GPLD1: variants seen among roughly 807,000 people sequenced by gnomAD.
GPLD1 encodes the protein glycosylphosphatidylinositol specific phospholipase D1.
A neutral mutation model predicts 112.6 loss-of-function variants in GPLD1; 84 were observed. That is an observed-to-expected ratio of 0.75 (90% CI 0.63 to 0.89). The LOEUF (loss-of-function observed/expected upper bound fraction) is 0.89, where lower values mean the gene tolerates loss of function less well. Among genes scored for constraint, GPLD1 ranks in the 40% least tolerant of loss-of-function variants. GPLD1 has a pLI of 0.00. For missense variants in GPLD1, 1,044 were observed against 1,051.5 expected, an observed-to-expected ratio of 0.99 and a Z score of 0.10; for synonymous variants, 386 against 403.8, an observed-to-expected ratio of 0.96 and a Z score of 0.53.
At chr6:24,429,841 C>A (rs1247351269) in intron 24 of GPLD1, among the ~76,000 whole-genome samples, 1 of 152,176 alleles carries the variant, frequency 6.6e-6, no homozygotes, top group Non-Finnish European at 1.5e-5. Context: ...AGCCACCATG[C>A]CTGGTCTTTA....
intron 10 of GPLD1, among the ~76,000 whole-genome samples, 162 bp from the exon 11 acceptor site, chr6:24,462,957 G>A (rs1763485876): frequency 6.6e-6 from 1 of 152,164 alleles, no homozygotes; most frequent in African/African-American, 2.4e-5. Context: ...CAGAGAGGGT[G>A]GGTAGGCTGA....
At chr6:24,466,546 T>C (rs1763623213) in intron 10 of GPLD1, 134 bp downstream of exon 10, 1 of 661,006 alleles carries the variant, frequency 1.5e-6, no homozygotes, top group South Asian at 2.2e-5. Context: ...CCTCTTTGAA[T>C]AGGTTAGAAA....
intron 7 of GPLD1, among the ~76,000 whole-genome samples, chr6:24,469,971 A>T (rs1450614572): frequency 1.3e-5 from 2 of 152,182 alleles, no homozygotes; most frequent in Non-Finnish European, 2.9e-5. Context: ...ATATTTTTTT[A>T]AATGAATCAC....
intron 1 of GPLD1, among the ~76,000 whole-genome samples, chr6:24,487,601 T>C (rs1764420840): frequency 6.6e-6 from 1 of 152,212 alleles, no homozygotes; most frequent in African/African-American, 2.4e-5. Context: ...CTCTGTAGTT[T>C]TGGCAATTTC....
rs1250796905 is a variant in GPLD1 at position 24,426,666 on chromosome 6, TGA to T, written c.*2364_*2365del. ...TCCGTCTAATGAAAAGACCCAGTAC[TGA>T]GAAAAACATCCCTTTACTCAAGTGT... On this transcript the variant is annotated 3_prime_UTR_variant, in exon 25 of 25. Coordinates refer to ENST00000230036, the MANE Select transcript of GPLD1 (RefSeq NM_001503.4). 8.8e-5 allele frequency among the ~76,000 whole-genome samples: 13 copies of T among 148,196 alleles called. No homozygotes were observed. The highest frequency in any genetic ancestry group is 4.5e-4 in the South Asian group (2 of 4,486).
chr6:24,435,836 A>AAAAAAAAAAAAAT (rs1427422814), intron 22 of GPLD1: 4 of 146,624 alleles, frequency 2.7e-5, no homozygotes, highest in Admixed American at 6.7e-5. Flanking sequence ...AAAAAAAAAA[A>AAAAAAAAAAAAAT]AAAAAAAAAA....
At chr6:24,484,927 A>C (rs1326437365) in intron 2 of GPLD1, among the ~76,000 whole-genome samples, 1 of 152,248 alleles carries the variant, frequency 6.6e-6, no homozygotes, top group Non-Finnish European at 1.5e-5. Flanking sequence ...CTGATGTCAG[A>C]AGGGAATGCT....
Position 24,439,565 on chromosome 6 carries a change from T to C in GPLD1, c.2021-2276A>G, listed in dbSNP as rs889531909. ...TTTCATCAAAGTGTTTTTTTAATTC[T>C]TCAGAATTAAAACAGAAGAATCTAG... On this transcript the variant is annotated intron_variant, in intron 20 of 24. Transcript: ENST00000230036. Among the ~76,000 whole-genome samples the C allele has an allele frequency of 4.6e-5, 7 of 152,336 alleles. No homozygotes were observed. The South Asian group carries it at 1.5e-3, about 32-fold the overall frequency.
intron 10 of GPLD1, 67 bp downstream of exon 10, chr6:24,466,613 A>C: frequency 7.6e-7 from 1 of 1,307,476 alleles, no homozygotes; most frequent in Non-Finnish European, 1.1e-6. Context: ...AAAACCTGAG[A>C]GTTATGTTGG....
chr6:24,472,862 G>A (rs925217576), intron 6 of GPLD1, among the ~76,000 whole-genome samples: 2 of 150,660 alleles, frequency 1.3e-5, no homozygotes, highest in Non-Finnish European at 2.9e-5. Context: ...TGAAACCTCC[G>A]CCTCCTGGGT....
chr6:24,429,673 G>A (rs1028266172), intron 24 of GPLD1, among the ~76,000 whole-genome samples: 3 of 152,098 alleles, frequency 2.0e-5, no homozygotes, highest in East Asian at 1.9e-4. Context: ...TCAGCCTCCC[G>A]AGTAGCGGAG....
intron 14 of GPLD1, among the ~76,000 whole-genome samples, 177 bp downstream of exon 14, chr6:24,453,834 TAGAA>T (rs1199675827): frequency 1.3e-5 from 2 of 152,128 alleles, no homozygotes; most frequent in Non-Finnish European, 2.9e-5. Flanking sequence ...AGACTAATGA[TAGAA>T]TAAAATAAAT....
rs531480325 is a variant in GPLD1 at position 24,442,909 on chromosome 6, G to A, written c.2020+2637C>T. Among the ~76,000 whole-genome samples, 42 of 151,872 alleles carry A rather than the reference G, an allele frequency of 2.8e-4. No individual in the cohort carries two copies. The South Asian group carries it at 8.3e-3, about 30-fold the overall frequency. ...TATTTTATATTGGACTTTATCATAG[G>A]AAAAAAAATTATCAAGAGAGTAAGG... On this transcript the variant is annotated intron_variant, in intron 20 of 24. Coordinates refer to ENST00000230036, the MANE Select transcript of GPLD1 (RefSeq NM_001503.4).
rs759936572 is a variant in GPLD1, at chr6:24,437,202, G to C, written c.2108C>G (p.Pro703Arg). ...RMYALTSDAQ[P>R]LLLSTFSGDR... is the part of the protein sequence containing the mutation. ...TCCGCTGAAGGTGCTGAGCAGCAGA[G>C]GCTGCGCGTCAGATGTGAGTGCGTA... The change falls in exon 21 of 25, where the codon CCT (proline) becomes CGT (arginine). Residue 703 changes from proline to arginine, a missense_variant. Pro to Arg is a moderately radical substitution (Grantham distance 103, BLOSUM62 -2). Coordinates refer to ENST00000230036, the MANE Select transcript of GPLD1 (RefSeq NM_001503.4). 4.3e-6 allele frequency: 7 copies of C among 1,613,874 alleles called. No individual in the cohort carries two copies. In the East Asian group the frequency reaches 1.1e-4, roughly 26 times the overall value.
At chr6:24,451,030 T>G (rs1763063133) in intron 14 of GPLD1, among the ~76,000 whole-genome samples, 2 of 152,234 alleles carry the variant, frequency 1.3e-5, no homozygotes, top group Admixed American at 1.3e-4. Context: ...GTTTTTCAGT[T>G]GCAATAGCCA....
intron 15 of GPLD1, among the ~76,000 whole-genome samples, chr6:24,449,258 G>A (rs796891929): frequency 1.3e-5 from 2 of 152,138 alleles, no homozygotes; most frequent in African/African-American, 4.8e-5. Context: ...TCTGCAGAGG[G>A]CAGCTGGCAA....
chr6:24,447,461 A>T (rs1762945769), intron 17 of GPLD1, among the ~76,000 whole-genome samples: 1 of 152,106 alleles, frequency 6.6e-6, no homozygotes, highest in Non-Finnish European at 1.5e-5. Context: ...GGTTGTAGTG[A>T]GCCAAGATTA....
Position 24,427,627 on chromosome 6 carries a change from C to T in GPLD1, c.*1405G>A, listed in dbSNP as rs149248680. 5.9e-3 allele frequency among the ~76,000 whole-genome samples: 899 copies of T among 152,170 alleles called. 13 individuals are homozygous for T. The highest frequency in any genetic ancestry group is 0.019 in the African/African-American group (797 of 41,496). On this transcript the variant is annotated 3_prime_UTR_variant, in exon 25 of 25. Coordinates refer to ENST00000230036, the MANE Select transcript of GPLD1 (RefSeq NM_001503.4). ...TTGGGAGGTCAAGGTGGGTGGATCA[C>T]CTGAGATCAGGAGTTCGAGACCAGC...
At chr6:24,443,665 T>C (rs1442125534) in intron 20 of GPLD1, among the ~76,000 whole-genome samples, 1 of 151,354 alleles carries the variant, frequency 6.6e-6, no homozygotes. Context: ...CCTAATCCAC[T>C]TGTTTTTTTG....
Sources: gnomAD v4.1 joint callset for allele counts (sites outside exome capture counted in the v4.1 genomes callset) on GRCh38, gnomAD v4.1.1 for gene constraint, MANE v1.5 for transcripts, NCBI Gene and HGNC (gene_info 2026-07-23, HGNC 2026-07-21) for gene names.